The following IL1RN variants were observed in gnomAD, a reference collection of about 807,000 sequenced individuals.
IL1RN encodes interleukin-1 receptor antagonist protein.
Under a neutral mutation model 13.7 loss-of-function variants are expected in IL1RN, and 10 were observed. That is an observed-to-expected ratio of 0.73 (90% confidence interval 0.45 to 1.24). IL1RN has a LOEUF of 1.24. Among genes scored for constraint, IL1RN ranks in the 50% most tolerant of loss-of-function variants. IL1RN has a pLI of 0.00. For missense variants in IL1RN, 213 were observed against 222.1 expected, an observed-to-expected ratio of 0.96 and a Z score of 0.26; for synonymous variants, 102 against 82.7, an observed-to-expected ratio of 1.23 and a Z score of -1.27.
At chr2:113,128,322 C>A (rs774632046) in intron 1 of IL1RN, among the ~76,000 whole-genome samples, 4 of 152,152 alleles carry the variant, frequency 2.6e-5, no homozygotes, top group Non-Finnish European at 5.9e-5. Context: ...TTTGTGAGAC[C>A]ATCACTATTG....
chr2:113,114,614 C>T (rs564405830), upstream of IL1RN, among the ~76,000 whole-genome samples: 1 of 152,010 alleles, frequency 6.6e-6, no homozygotes, highest in Admixed American at 6.6e-5. Flanking sequence ...TCAGGTGTCT[C>T]ATTTATTTAT....
At chr2:113,125,588 T>G (rs1174172524), upstream of IL1RN, among the ~76,000 whole-genome samples, 9 of 152,234 alleles carry the variant, frequency 5.9e-5, no homozygotes, top group Non-Finnish European at 2.9e-5. Context: ...ATAGTCTTCC[T>G]CCTTTGAAGG....
upstream of IL1RN, among the ~76,000 whole-genome samples, chr2:113,107,940 A>G (rs1370552790): frequency 6.6e-6 from 1 of 152,226 alleles, no homozygotes; most frequent in Non-Finnish European, 1.5e-5. Flanking sequence ...CAAAAGGAAG[A>G]AAAATGATCC....
upstream of IL1RN, chr2:113,127,518 G>C (rs545407993): frequency 6.7e-7 from 1 of 1,490,398 alleles, no homozygotes; most frequent in South Asian, 1.3e-5. Context: ...TCCGCTTCTC[G>C]CAGTGGGGCA....
chr2:113,125,037 C>T (rs939998056), upstream of IL1RN, among the ~76,000 whole-genome samples: 1 of 152,142 alleles, frequency 6.6e-6, no homozygotes, highest in Non-Finnish European at 1.5e-5. Context: ...AAGGCAGTGG[C>T]CAGGATGGAA....
At chr2:113,105,166 A>G (rs1424247519), upstream of IL1RN, among the ~76,000 whole-genome samples, 1 of 152,198 alleles carries the variant, frequency 6.6e-6, no homozygotes, top group African/African-American at 2.4e-5. Flanking sequence ...GAGAACATAT[A>G]TAGAAAGGCA....
chr2:113,124,748 C>G (rs1573296539), upstream of IL1RN, among the ~76,000 whole-genome samples: 2 of 152,224 alleles, frequency 1.3e-5, no homozygotes, highest in East Asian at 1.9e-4. Flanking sequence ...AAGACAGGCT[C>G]TGCACATTGT....
At chr2:113,103,595 C>T (rs1014049996), upstream of IL1RN, among the ~76,000 whole-genome samples, 2 of 152,180 alleles carry the variant, frequency 1.3e-5, no homozygotes, top group African/African-American at 4.8e-5. Context: ...TTGATTTGAG[C>T]CCAGTGTCAC....
intron 2 of IL1RN, chr2:113,121,613 T>A: frequency 1.0e-5 from 10 of 985,396 alleles, no homozygotes; most frequent in Non-Finnish European, 1.2e-5. Flanking sequence ...TCAGAAAGGA[T>A]TCACAGTAAG....
At chr2:113,102,457 C>G (rs995290721), upstream of IL1RN, among the ~76,000 whole-genome samples, 1 of 152,136 alleles carries the variant, frequency 6.6e-6, no homozygotes, top group African/African-American at 2.4e-5. Flanking sequence ...AGAGCTATTG[C>G]AATGGTTTGG....
At chr2:113,114,708 A>T (rs1686560793), upstream of IL1RN, among the ~76,000 whole-genome samples, 1 of 151,700 alleles carries the variant, frequency 6.6e-6, no homozygotes, top group African/African-American at 2.4e-5. Flanking sequence ...TGAGAATATG[A>T]GTGGTGGTTT....
chr2:113,130,126 C>G lies in IL1RN; in HGVS notation c.205+462C>G, dbSNP rs140877381. 2.5e-4 allele frequency: 47 copies of G among 185,126 alleles called. No homozygotes were observed. In the East Asian group the frequency reaches 5.8e-3, roughly 23 times the overall value. 11.5% of individuals were successfully genotyped at this position (185,126 alleles called of 1,614,324 possible). The stretch of plus-strand genomic sequence containing the variant: ...AACAAGCTGGATGACCTTGAAGAAG[C>G]TTCACCCACTCTGTTCCTCAGCTTT... On this transcript the variant is annotated intron_variant, in intron 2 of 3. Transcript: ENST00000409930.
At chr2:113,123,213 A>G (rs1274594955), upstream of IL1RN, among the ~76,000 whole-genome samples, 1 of 152,250 alleles carries the variant, frequency 6.6e-6, no homozygotes, top group Admixed American at 6.5e-5. Flanking sequence ...GAGAATAACT[A>G]GAAAAGCTAG....
upstream of IL1RN, among the ~76,000 whole-genome samples, chr2:113,123,056 C>T (rs979464072): frequency 1.3e-5 from 2 of 152,092 alleles, no homozygotes; most frequent in African/African-American, 2.4e-5. Context: ...ACCTGGGAGG[C>T]GGAGGTTGCG....
rs1318064216 is a variant in IL1RN, at chr2:113,133,160, C to G, written c.*289C>G. 1 of 482,442 alleles carries G rather than the reference C, an allele frequency of 2.1e-6. No homozygotes were observed. The highest frequency in any genetic ancestry group is 3.3e-5 in the Admixed American group (1 of 30,184). The allele number at this position is 482,442 out of a possible 1,614,324, so 29.9% of individuals were successfully genotyped here. A position where few individuals can be genotyped will look rare whatever the true frequency, so the allele number is the denominator to read the frequency against. ...GCATTCAGGATCAAACCCCGACCACCTGCCCAACCTGCTCTCCTCTTGCCA... is the reference window on the plus strand; with the variant it reads ...GCATTCAGGATCAAACCCCGACCACGTGCCCAACCTGCTCTCCTCTTGCCA... On this transcript the variant is annotated 3_prime_UTR_variant, in exon 4 of 4. Coordinates refer to ENST00000409930, the MANE Select transcript of IL1RN (RefSeq NM_173842.3).
At chr2:113,129,993 T>C (rs1333170788) in intron 2 of IL1RN, 2 of 360,664 alleles carry the variant, frequency 5.5e-6, no homozygotes, top group South Asian at 2.5e-5. Context: ...CATGTTCCTA[T>C]GTTGTTCAAA....
chr2:113,130,277 C>T (rs1187001561), intron 2 of IL1RN, among the ~76,000 whole-genome samples: 1 of 152,208 alleles, frequency 6.6e-6, no homozygotes, highest in South Asian at 2.1e-4. Flanking sequence ...TCCCACCTTC[C>T]CTATGCCCTG....
chr2:113,128,308 C>A (rs1271278516), intron 1 of IL1RN, among the ~76,000 whole-genome samples: 3 of 152,192 alleles, frequency 2.0e-5, no homozygotes, highest in Non-Finnish European at 4.4e-5. Flanking sequence ...AAAATGGAAT[C>A]GGCTTTGTGA....
intron 2 of IL1RN, chr2:113,121,618 A>G (rs1686785421): frequency 2.0e-6 from 2 of 985,186 alleles, no homozygotes; most frequent in Non-Finnish European, 2.4e-6. Flanking sequence ...AAGGATTCAC[A>G]GTAAGTTAAC....
Sources: allele counts gnomAD v4.1 joint callset (sites outside exome capture counted in the v4.1 genomes callset), GRCh38; gene constraint gnomAD v4.1.1; transcripts MANE v1.5; gene names NCBI Gene and HGNC (gene_info 2026-07-23, HGNC 2026-07-21).